FHIT: variants seen among roughly 807,000 people sequenced by gnomAD.
The protein encoded by FHIT is fragile histidine triad diadenosine triphosphatase.
A neutral mutation model predicts 17.9 loss-of-function variants in FHIT; 19 were observed. That is an observed-to-expected ratio of 1.06 (90% confidence interval 0.74 to 1.56). The LOEUF is 1.56. FHIT is among the 40% of genes most tolerant of loss of function. FHIT has a pLI of 0.00. For missense variants in FHIT, 248 were observed against 189.2 expected, an observed-to-expected ratio of 1.31 and a Z score of -1.82; for synonymous variants, 81 against 69.7, an observed-to-expected ratio of 1.16 and a Z score of -0.81.
At chr3:59,772,410 T>C (rs575152281) in intron 8 of FHIT, among the ~76,000 whole-genome samples, 1 of 152,046 alleles carries the variant, frequency 6.6e-6, no homozygotes, top group East Asian at 2.0e-4. Flanking sequence ...ACAGTAACAG[T>C]GAACACTGAC....
At chr3:59,985,938 T>G (rs1708878625) in intron 7 of FHIT, among the ~76,000 whole-genome samples, 1 of 150,150 alleles carries the variant, frequency 6.7e-6, no homozygotes, top group Non-Finnish European at 1.5e-5. Flanking sequence ...TATACTCCCC[T>G]CTCACAAACA....
At chr3:60,115,048 T>G (rs6446113) in intron 5 of FHIT, among the ~76,000 whole-genome samples, 1 of 151,770 alleles carries the variant, frequency 6.6e-6, no homozygotes, top group Non-Finnish European at 1.5e-5. Context: ...ATTAATCACA[T>G]GCTTATTAAT....
At chr3:60,586,921 A>T (rs1464473248) in intron 4 of FHIT, among the ~76,000 whole-genome samples, 1 of 152,068 alleles carries the variant, frequency 6.6e-6, no homozygotes, top group Non-Finnish European at 1.5e-5. Flanking sequence ...GTGATGAAAT[A>T]AACTGTACAA....
intron 5 of FHIT, among the ~76,000 whole-genome samples, chr3:60,367,021 A>C (rs980952556): frequency 1.3e-5 from 2 of 152,182 alleles, no homozygotes; most frequent in Admixed American, 1.3e-4. Flanking sequence ...TTCTCTGAGG[A>C]GAGTGAAGAA....
intron 5 of FHIT, among the ~76,000 whole-genome samples, chr3:60,144,408 T>G (rs1038946354): frequency 1.3e-5 from 2 of 152,162 alleles, no homozygotes; most frequent in Non-Finnish European, 1.5e-5. Context: ...CCAACCAACT[T>G]TGCCTTTTGC....
intron 5 of FHIT, among the ~76,000 whole-genome samples, chr3:60,446,865 A>T (rs991035011): frequency 6.0e-5 from 6 of 100,336 alleles, no homozygotes; most frequent in African/African-American, 1.9e-4. Context: ...TAAAATAATA[A>T]TAATAATAAT....
chr3:61,198,316 T>A (rs955689200), intron 2 of FHIT, among the ~76,000 whole-genome samples: 14 of 152,256 alleles, frequency 9.2e-5, no homozygotes, highest in Admixed American at 7.2e-4. Context: ...CAGATCAGAA[T>A]GCCCACCTAG....
intron 2 of FHIT, among the ~76,000 whole-genome samples, chr3:61,064,548 T>C (rs1402177160): frequency 6.6e-6 from 1 of 152,188 alleles, no homozygotes; most frequent in African/African-American, 2.4e-5. Context: ...CTGAATACAT[T>C]CTAATGAAGG....
At chr3:60,386,064 T>C (rs530946945) in intron 5 of FHIT, among the ~76,000 whole-genome samples, 47 of 152,248 alleles carry the variant, frequency 3.1e-4, no homozygotes, top group African/African-American at 1.1e-3. Context: ...TAGAGGAAAT[T>C]GAAGCATAAG....
At chr3:60,078,318 C>T (rs1703122883) in intron 5 of FHIT, among the ~76,000 whole-genome samples, 1 of 152,122 alleles carries the variant, frequency 6.6e-6, no homozygotes, top group Admixed American at 6.5e-5. Context: ...ATCAGTGTCT[C>T]CTGATATAAT....
intron 4 of FHIT, among the ~76,000 whole-genome samples, chr3:60,626,840 T>C (rs2039303093): frequency 6.7e-6 from 1 of 148,864 alleles, no homozygotes; most frequent in Non-Finnish European, 1.5e-5. Flanking sequence ...TTTTTAATAA[T>C]GCTTTTTATC....
chr3:59,783,746 G>A lies in FHIT; in HGVS notation c.349-31425C>T, dbSNP rs558477515. On this transcript the variant is annotated intron_variant, in intron 8 of 9. Transcript: ENST00000492590. Reference sequence around the variant, plus strand: ...TCCCCATCCACAAACATCTCCACACGTTGCCAAATATCCTCTGGGGGAGCT... The same window carrying A: ...TCCCCATCCACAAACATCTCCACACATTGCCAAATATCCTCTGGGGGAGCT... Among the ~76,000 whole-genome samples the A allele has an allele frequency of 1.1e-4, 17 of 152,154 alleles. No homozygotes were observed. The South Asian group carries it at 1.7e-3, about 15-fold the overall frequency.
intron 3 of FHIT, among the ~76,000 whole-genome samples, chr3:60,847,368 A>C (rs1347337506): frequency 6.6e-6 from 1 of 152,144 alleles, no homozygotes; most frequent in Non-Finnish European, 1.5e-5. Flanking sequence ...TCTACACCTG[A>C]TGCTGGGTTC....
chr3:60,107,332 A>C (rs1017255773), intron 5 of FHIT, among the ~76,000 whole-genome samples: 1 of 152,116 alleles, frequency 6.6e-6, no homozygotes, highest in East Asian at 1.9e-4. Context: ...AACTAAAAAA[A>C]ATTAAAATAC....
intron 2 of FHIT, among the ~76,000 whole-genome samples, chr3:61,100,291 A>G (rs7649297): frequency 0.057 from 8,620 of 152,154 alleles, 340 homozygotes; most frequent in Middle Eastern, 0.17. Context: ...ATTCCCACCT[A>G]TGAGTGAGAA....
At chr3:59,878,965 T>G (rs755863915) in intron 8 of FHIT, among the ~76,000 whole-genome samples, 1 of 152,062 alleles carries the variant, frequency 6.6e-6, no homozygotes, top group Non-Finnish European at 1.5e-5. Flanking sequence ...CCTTTTTTTC[T>G]GTCTATTTCG....
intron 5 of FHIT, among the ~76,000 whole-genome samples, chr3:60,036,654 T>C (rs1701230277): frequency 6.6e-6 from 1 of 152,226 alleles, no homozygotes; most frequent in South Asian, 2.1e-4. Flanking sequence ...TTTCATTTCT[T>C]TTCCTCCTGG....
At chr3:60,712,299 C>T (rs536842286) in intron 4 of FHIT, among the ~76,000 whole-genome samples, 3 of 152,280 alleles carry the variant, frequency 2.0e-5, no homozygotes, top group South Asian at 2.1e-4. Context: ...AAAGGAACAA[C>T]CGGTACCAGC....
chr3:60,273,516 G>A (rs1402005906), intron 5 of FHIT, among the ~76,000 whole-genome samples: 2 of 152,032 alleles, frequency 1.3e-5, no homozygotes, highest in African/African-American at 4.8e-5. Context: ...AGGCTGAGGG[G>A]GAGAATTGCT....
Sources: gnomAD v4.1 joint callset for allele counts (sites outside exome capture counted in the v4.1 genomes callset) on GRCh38, gnomAD v4.1.1 for gene constraint, MANE v1.5 for transcripts, NCBI Gene and HGNC (gene_info 2026-07-23, HGNC 2026-07-21) for gene names.